Variants in ECE1 observed in about 807,000 individuals in gnomAD.
ECE1 encodes the protein endothelin converting enzyme 1.
In ECE1, 35 loss-of-function variants were observed where a neutral mutation model predicts 98.6. The observed-to-expected ratio is 0.35, with a 90% CI of 0.27 to 0.47. The LOEUF (loss-of-function observed/expected upper bound fraction) is 0.47. Ranked by LOEUF, ECE1 falls within the 20% of genes least tolerant of loss-of-function variation. The pLI is 1.00. For synonymous variants in ECE1, 394 were observed against 407.1 expected (o/e 0.97, Z 0.39); for missense variants, 814 against 1,025.3 (o/e 0.79, Z 2.81).
In ECE1 at chr1:21,260,621, G is replaced by T. The variant is rs1175045480; in HGVS notation, c.494-229C>A. ...AAATTTTGCTGACTGCAAAGAAAAA[G>T]AATCGACCACGTTTCTCTCCCTCTG... On this transcript the variant is annotated intron_variant, in intron 4 of 18. Transcript: ENST00000374893. The surrounding 1 kb of genome is among the most constrained non-coding windows in gnomAD (Gnocchi z 4.3). Among the ~76,000 whole-genome samples, 1 of 152,142 alleles carries T rather than the reference G, an allele frequency of 6.6e-6. No individual in the cohort carries two copies. The highest frequency in any genetic ancestry group is 1.5e-5 in the Non-Finnish European group (1 of 68,026).
chr1:21,306,764 T>C (rs1384719590), intron 1 of ECE1, among the ~76,000 whole-genome samples: 1 of 152,096 alleles, frequency 6.6e-6, no homozygotes, highest in Non-Finnish European at 1.5e-5. Flanking sequence ...ACCAGTACAG[T>C]GATGGCCTCA....
intron 4 of ECE1, among the ~76,000 whole-genome samples, chr1:21,271,702 A>G (rs1297042845): frequency 1.3e-5 from 2 of 152,096 alleles, no homozygotes; most frequent in African/African-American, 2.4e-5. Flanking sequence ...CGGGAATCCA[A>G]CAAACATTAA....
rs572886560 is a variant in ECE1, at chr1:21,256,184, T to A, written c.829-46A>T. On this transcript the variant is annotated intron_variant, in intron 7 of 18. Transcript: ENST00000374893. ...ACTGTCAGTGGCTGCCCCCCCACTA[T>A]CCACTGGACGAGAGTTGGTGGGGGG... The A allele has an allele frequency of 3.2e-6, 5 of 1,562,164 alleles. No homozygotes were observed. The South Asian group carries it at 5.9e-5, about 18-fold the overall frequency.
intron 5 of ECE1, among the ~76,000 whole-genome samples, chr1:21,259,522 T>G (rs1196074166): frequency 2.6e-5 from 4 of 152,110 alleles, no homozygotes; most frequent in Non-Finnish European, 5.9e-5. Context: ...TGCCTCAGCC[T>G]CCCGAGAAAG....
chr1:21,266,421 G>A (rs1201126992), intron 4 of ECE1: 1 of 152,292 alleles, frequency 6.6e-6, no homozygotes, highest in Non-Finnish European at 1.5e-5. Flanking sequence ...CTGGGGGGAA[G>A]GGGTGCTGAT....
At chr1:21,300,336 C>G (rs1482396368) in intron 1 of ECE1, among the ~76,000 whole-genome samples, 1 of 152,250 alleles carries the variant, frequency 6.6e-6, no homozygotes, top group Non-Finnish European at 1.5e-5. Flanking sequence ...ATTTTCCTCA[C>G]CTCTAAGAGA....
intron 4 of ECE1, among the ~76,000 whole-genome samples, chr1:21,269,743 CCCTA>C (rs2098238012): frequency 6.6e-6 from 1 of 152,200 alleles, no homozygotes; most frequent in South Asian, 2.1e-4. Flanking sequence ...GCATCATTAT[CCCTA>C]CTGTACAGAT....
chr1:21,224,471 C>T (rs2098171225), intron 17 of ECE1, among the ~76,000 whole-genome samples: 1 of 152,144 alleles, frequency 6.6e-6, no homozygotes, highest in Non-Finnish European at 1.5e-5. Context: ...AGCAACCTAT[C>T]CAAGGTTTCT....
chr1:21,246,299 G>A (rs568211418), intron 9 of ECE1, among the ~76,000 whole-genome samples: 4 of 151,144 alleles, frequency 2.6e-5, no homozygotes, highest in African/African-American at 9.7e-5. Context: ...CAGGAGTTGG[G>A]GACCAGCCTG....
intron 9 of ECE1, among the ~76,000 whole-genome samples, chr1:21,245,847 A>C (rs1049539477): frequency 1.3e-5 from 2 of 152,226 alleles, no homozygotes; most frequent in African/African-American, 4.8e-5. Flanking sequence ...TAGTTATGAT[A>C]ATGGGAAAAA....
At chr1:21,298,326 G>C (rs1228517356) in intron 1 of ECE1, 1 of 186,186 alleles carries the variant, frequency 5.4e-6, no homozygotes, top group Non-Finnish European at 1.2e-5. Context: ...GCTCTCTCGG[G>C]CTTCGCAGTG....
Position 21,227,204 on chromosome 1 carries a change from C to T in ECE1, c.1804G>A (p.Gly602Ser). 1 of 1,614,144 alleles carries T rather than the reference C, an allele frequency of 6.2e-7. No homozygotes were observed. The highest frequency in any genetic ancestry group is 8.5e-7 in the Non-Finnish European group (1 of 1,179,980). Reference sequence around the variant, plus strand: ...GTCAGCTCATGGCCCACGACGACACCTATGCCACCAAAGTTTAAGGCCCTG... The same window carrying T: ...GTCAGCTCATGGCCCACGACGACACTTATGCCACCAAAGTTTAAGGCCCTG... ...SPKALNFGGI[G>S]VVVGHELTHA... The change falls in exon 16 of 19, where the codon GGT becomes AGT. Residue 602 changes from glycine to serine, a missense_variant. By Grantham distance (56) the Gly-to-Ser change is moderately conservative (BLOSUM62 0). Transcript: ENST00000374893.
At chr1:21,269,869 G>T (rs537188957) in intron 4 of ECE1, among the ~76,000 whole-genome samples, 2 of 152,308 alleles carry the variant, frequency 1.3e-5, no homozygotes, top group African/African-American at 2.4e-5. Flanking sequence ...TGGCCTCCTG[G>T]TATCACCAGA....
At chr1:21,342,611 CACA>C in intron 1 of ECE1, among the ~76,000 whole-genome samples, 1 of 100,778 alleles carries the variant, frequency 9.9e-6, no homozygotes, top group Admixed American at 9.3e-5. Context: ...CACAGATACA[CACA>C]CACACACACA....
intron 1 of ECE1, among the ~76,000 whole-genome samples, chr1:21,330,094 T>C (rs551528349): frequency 2.7e-5 from 4 of 150,568 alleles, no homozygotes; most frequent in African/African-American, 9.8e-5. Flanking sequence ...ACCAAGTTAC[T>C]GGGCCTTTAA....
intron 10 of ECE1, 50 bp downstream of exon 10, chr1:21,244,939 A>G: frequency 6.4e-7 from 1 of 1,567,484 alleles, no homozygotes; most frequent in Non-Finnish European, 8.8e-7. Context: ...ACACCTTGGC[A>G]TAAAGTAGGC....
At chr1:21,268,050 A>G (rs1158642952) in intron 4 of ECE1, among the ~76,000 whole-genome samples, 2 of 152,224 alleles carry the variant, frequency 1.3e-5, no homozygotes, top group East Asian at 3.8e-4. Flanking sequence ...TTCATCTTAC[A>G]GTATAAAATA....
intron 18 of ECE1, 116 bp downstream of exon 18, chr1:21,221,631 C>A: frequency 9.5e-7 from 1 of 1,055,374 alleles, no homozygotes; most frequent in Non-Finnish European, 1.5e-6. Context: ...TGTGCACAGT[C>A]CAGTGACTTG....
chr1:21,305,768 G>GA (rs755926406), intron 1 of ECE1, among the ~76,000 whole-genome samples: 13 of 152,200 alleles, frequency 8.5e-5, no homozygotes, highest in Non-Finnish European at 1.6e-4. Flanking sequence ...TGAGCACAGG[G>GA]AAAAATCTAC....
Sources: allele counts gnomAD v4.1 joint callset (sites outside exome capture counted in the v4.1 genomes callset), GRCh38; gene constraint gnomAD v4.1.1; non-coding constraint Gnocchi (gnomAD v3.1); transcripts MANE v1.5; gene names NCBI Gene and HGNC (gene_info 2026-07-23, HGNC 2026-07-21).